FLRT2: variants seen among roughly 807,000 people sequenced by gnomAD.
FLRT2 encodes fibronectin leucine rich transmembrane protein 2.
A neutral mutation model predicts 40.0 loss-of-function variants in FLRT2; 15 were observed. That is an observed-to-expected ratio of 0.38 (90% CI 0.25 to 0.58). The LOEUF (loss-of-function observed/expected upper bound fraction) is 0.58, where lower values mean the gene tolerates loss of function less well. Ranked by LOEUF, FLRT2 falls within the 20% of genes least tolerant of loss-of-function variation. The pLI, the probability that FLRT2 is intolerant of heterozygous loss-of-function variation, is 0.71. For missense variants in FLRT2, 726 were observed against 840.0 expected, an observed-to-expected ratio of 0.86 and a Z score of 1.68; for synonymous variants, 380 against 336.8, an observed-to-expected ratio of 1.13 and a Z score of -1.41.
chr14:85,619,211 G>A (rs559035236), intron 1 of FLRT2, among the ~76,000 whole-genome samples: 2 of 151,638 alleles, frequency 1.3e-5, no homozygotes, highest in African/African-American at 4.8e-5. Flanking sequence ...AGCCTTCAGA[G>A]TGGCAGAGAC....
At chr14:85,533,191 G>C (rs1016256191) in intron 1 of FLRT2, among the ~76,000 whole-genome samples, 1 of 152,146 alleles carries the variant, frequency 6.6e-6, no homozygotes, top group Non-Finnish European at 1.5e-5. Context: ...TCCAGGAGCG[G>C]AGCGCGCCAG....
chr14:85,597,965 A>G (rs1892216343), intron 1 of FLRT2, among the ~76,000 whole-genome samples: 1 of 152,140 alleles, frequency 6.6e-6, no homozygotes, highest in Non-Finnish European at 1.5e-5. Flanking sequence ...CAGAAACATA[A>G]TTGTCTGCAG....
rs1393748970 is a variant in FLRT2 at position 85,649,907 on chromosome 14, G to A, written c.*26410G>A. 1.3e-5 allele frequency: 2 copies of A among 151,978 alleles called. No homozygotes were observed. Among genetic ancestry groups the A allele is most frequent in the East Asian group, 1.9e-4 (1 of 5,190 alleles). The allele number at this position is 151,978 out of a possible 1,614,324, so 9.4% of individuals were successfully genotyped here. A position where few individuals can be genotyped will look rare whatever the true frequency, so the allele number is the denominator to read the frequency against. On this transcript the variant is annotated 3_prime_UTR_variant, in exon 2 of 2. Transcript: ENST00000330753. ...TCTGTCCTAGGTGATTATAAAGTTT[G>A]TTGCTATAGTATTTCATTATTTTTT...
intron 1 of FLRT2, among the ~76,000 whole-genome samples, chr14:85,555,530 G>A (rs1889892499): frequency 6.6e-6 from 1 of 151,966 alleles, no homozygotes; most frequent in South Asian, 2.1e-4. Context: ...ACTACCATGA[G>A]AACAGTATGG....
intron 1 of FLRT2, among the ~76,000 whole-genome samples, chr14:85,546,902 A>T (rs1317965253): frequency 6.6e-6 from 1 of 152,206 alleles, no homozygotes; most frequent in East Asian, 1.9e-4. Context: ...TAAACAAAAT[A>T]TGCTGCCTAG....
In FLRT2 at chr14:85,636,377, G is replaced by A; in HGVS notation, c.*12880G>A. On this transcript the variant is annotated 3_prime_UTR_variant, in exon 2 of 2. Transcript: ENST00000330753. ...GCCTAAATGTAGGAAAATCAAAGGT[G>A]AAGTCACCTGCAGAAAAAAAAAAAA... The A allele has an allele frequency of 1.6e-5, 1 of 63,832 alleles. No individual in the cohort carries two copies. Among genetic ancestry groups the A allele is most frequent in the Non-Finnish European group, 2.8e-5 (1 of 36,248 alleles). 4.0% of individuals were successfully genotyped at this position (63,832 alleles called of 1,614,324 possible).
chr14:85,535,293 G>A (rs756321600), intron 1 of FLRT2, among the ~76,000 whole-genome samples: 4 of 150,808 alleles, frequency 2.7e-5, no homozygotes, highest in African/African-American at 4.9e-5. Flanking sequence ...ATATCGGACC[G>A]ATATTATCTG....
chr14:85,562,089 T>C (rs1251776901), intron 1 of FLRT2, among the ~76,000 whole-genome samples: 1 of 152,236 alleles, frequency 6.6e-6, no homozygotes, highest in African/African-American at 2.4e-5. Context: ...CTAATACCAA[T>C]GCTTAGTGTT....
At chr14:85,601,028 C>A (rs1595072263) in intron 1 of FLRT2, among the ~76,000 whole-genome samples, 1 of 152,012 alleles carries the variant, frequency 6.6e-6, no homozygotes, top group Admixed American at 6.5e-5. Flanking sequence ...GAAGTCGTGT[C>A]CTACAGTAAC....
rs1341407095 is a variant in FLRT2, at chr14:85,593,470, ACT to A, written c.-376-27666_-376-27665del. Among the ~76,000 whole-genome samples the A allele has an allele frequency of 1.7e-4, 17 of 102,892 alleles. No homozygotes were observed. The East Asian group carries it at 8.1e-3, about 49-fold the overall frequency. The allele number at this position is 102,892 out of a possible 152,430, so 67.5% of individuals were successfully genotyped here. On this transcript the variant is annotated intron_variant, in intron 1 of 1. Coordinates refer to ENST00000330753, the MANE Select transcript of FLRT2 (RefSeq NM_013231.6). ...GGGCTCTTCCTTACATATGATTGAA[ACT>A]CTGTTGATTGAAAATGTGTTGAGCC...
At chr14:85,614,909 T>C (rs1355507282) in intron 1 of FLRT2, among the ~76,000 whole-genome samples, 1 of 152,236 alleles carries the variant, frequency 6.6e-6, no homozygotes, top group Non-Finnish European at 1.5e-5. Context: ...GGATTGAAAG[T>C]ACATAGACAT....
rs1378870346 is a variant in FLRT2 at position 85,646,697 on chromosome 14, A to T, written c.*23200A>T. 6.6e-6 allele frequency: 1 copy of T among 151,958 alleles called. No homozygotes were observed. Among genetic ancestry groups the T allele is most frequent in the African/African-American group, 2.4e-5 (1 of 41,330 alleles). 9.4% of individuals were successfully genotyped at this position (151,958 alleles called of 1,614,324 possible). A position where few individuals can be genotyped will look rare whatever the true frequency, so the allele number is the denominator to read the frequency against. ...AGTGGCACAATCTTGGCTCAATGCA[A>T]CCTCCTTCTCCCAGGTTCAAGGAAT... is the stretch of plus-strand genomic sequence containing the variant. On this transcript the variant is annotated 3_prime_UTR_variant, in exon 2 of 2. Coordinates refer to ENST00000330753, the MANE Select transcript of FLRT2 (RefSeq NM_013231.6).
chr14:85,614,444 T>G (rs530995783), intron 1 of FLRT2, among the ~76,000 whole-genome samples: 1 of 152,162 alleles, frequency 6.6e-6, no homozygotes, highest in East Asian at 1.9e-4. Context: ...GGAATGGAAG[T>G]GCTGAGATAA....
chr14:85,559,751 G>A (rs1890192150), intron 1 of FLRT2, among the ~76,000 whole-genome samples: 1 of 152,100 alleles, frequency 6.6e-6, no homozygotes, highest in South Asian at 2.1e-4. Flanking sequence ...CTCCAATGAT[G>A]TTCTGGGACT....
At chr14:85,618,776 G>A (rs892332380) in intron 1 of FLRT2, among the ~76,000 whole-genome samples, 18 of 152,096 alleles carry the variant, frequency 1.2e-4, no homozygotes, top group African/African-American at 3.6e-4. Context: ...ATTTGAATGC[G>A]CCCATCCCAG....
rs760968570 is a variant in FLRT2, at chr14:85,622,982, C to T, written c.1468C>T (p.Arg490Trp). 3.7e-6 allele frequency: 6 copies of T among 1,614,024 alleles called. No individual in the cohort carries two copies. Among genetic ancestry groups the T allele is most frequent in the African/African-American group, 2.7e-5 (2 of 74,922 alleles). The change falls in exon 2 of 2, where the codon CGG becomes TGG. Residue 490 changes from arginine (R) to tryptophan (W), a missense_variant. Around this residue, in one of 3 missense-constraint regions of FLRT2, gnomAD observed 611 missense variants for 690.0 expected, o/e 0.89. Coordinates refer to ENST00000330753, the MANE Select transcript of FLRT2 (RefSeq NM_013231.6). ...TAACTTAGAGCCCCGATCCACCTAT[C>T]GGATTTGTTTAGTGCCACTGGATGC... ...LVNLEPRSTY[R>W]ICLVPLDAFN... is the part of the protein sequence containing the mutation.
At chr14:85,589,347 A>T (rs1566742784) in intron 1 of FLRT2, among the ~76,000 whole-genome samples, 1 of 152,038 alleles carries the variant, frequency 6.6e-6, no homozygotes, top group Non-Finnish European at 1.5e-5. Context: ...TTTAATTTGC[A>T]TTTCTCTATT....
Position 85,651,989 on chromosome 14 carries a change from GTCT to G in FLRT2, c.*28496_*28498del, listed in dbSNP as rs1379329355. 6.6e-6 allele frequency: 1 copy of G among 151,930 alleles called. No homozygotes were observed. Among genetic ancestry groups the G allele is most frequent in the Non-Finnish European group, 1.5e-5 (1 of 67,940 alleles). 9.4% of individuals were successfully genotyped at this position (151,930 alleles called of 1,614,324 possible). On this transcript the variant is annotated 3_prime_UTR_variant, in exon 2 of 2. Coordinates refer to ENST00000330753, the MANE Select transcript of FLRT2 (RefSeq NM_013231.6). The stretch of plus-strand genomic sequence containing the variant: ...GCTAATGGAAAATACATCTTAAAAA[GTCT>G]TCTGTGTAAAACATGGGACTCAAAA...
chr14:85,585,320 T>C (rs1175694037), intron 1 of FLRT2, among the ~76,000 whole-genome samples: 1 of 152,228 alleles, frequency 6.6e-6, no homozygotes, highest in Non-Finnish European at 1.5e-5. Context: ...ATAAATCTCT[T>C]GCAGGTTTGG....
Sources: allele counts gnomAD v4.1 joint callset (sites outside exome capture counted in the v4.1 genomes callset), GRCh38; gene constraint gnomAD v4.1.1; regional missense constraint gnomAD v4.1.1; transcripts MANE v1.5; gene names NCBI Gene and HGNC (gene_info 2026-07-23, HGNC 2026-07-21).